Variants in RNF130 observed in about 807,000 individuals in gnomAD.
The protein encoded by RNF130 is ring finger protein 130.
RNF130 carries 21 observed loss-of-function variants against 44.6 expected under a neutral mutation model. That is an observed-to-expected ratio of 0.47 (90% confidence interval 0.33 to 0.68). The LOEUF is 0.68. Ranked by LOEUF, RNF130 falls within the 30% of genes least tolerant of loss-of-function variation. The pLI is 0.02. For missense variants in RNF130, 479 were observed against 560.6 expected (o/e 0.85, Z 1.47); for synonymous variants, 214 against 210.4 (o/e 1.02, Z -0.15).
chr5:179,947,859 T>C (rs1322753630), intron 7 of RNF130, among the ~76,000 whole-genome samples: 1 of 152,202 alleles, frequency 6.6e-6, no homozygotes, highest in Non-Finnish European at 1.5e-5. Flanking sequence ...ATATTATACA[T>C]ACAGTATATC....
intron 7 of RNF130, among the ~76,000 whole-genome samples, chr5:179,929,031 A>C (rs1761768679): frequency 6.6e-6 from 1 of 152,192 alleles, no homozygotes; most frequent in Non-Finnish European, 1.5e-5. Context: ...CAGTTGAAGA[A>C]GTCTTTGCCT....
intron 1 of RNF130, among the ~76,000 whole-genome samples, chr5:180,041,523 A>G (rs1764417409): frequency 6.7e-6 from 1 of 148,178 alleles, no homozygotes; most frequent in Admixed American, 6.6e-5. Context: ...CATCCTCTGC[A>G]AATCTTAAGA....
intron 7 of RNF130, among the ~76,000 whole-genome samples, chr5:179,945,518 G>A (rs1035133122): frequency 6.6e-4 from 101 of 152,268 alleles, no homozygotes; most frequent in African/African-American, 2.3e-3. Flanking sequence ...AATCCTCACA[G>A]TGCTACGTTG....
chr5:179,923,458 G>A (rs1254381735), intron 7 of RNF130, among the ~76,000 whole-genome samples: 1 of 152,112 alleles, frequency 6.6e-6, no homozygotes, highest in Non-Finnish European at 1.5e-5. Flanking sequence ...TATATTTTAA[G>A]TTCGGCCTAA....
chr5:179,920,335 A>G (rs1013359989), exon 8 of RNF130: 3 of 702,168 alleles, frequency 4.3e-6, no homozygotes, highest in Non-Finnish European at 7.8e-6. Context: ...TGTTCTCATC[A>G]TACATGTCCA....
chr5:179,993,656 T>G (rs1763141156), intron 3 of RNF130, among the ~76,000 whole-genome samples: 1 of 152,212 alleles, frequency 6.6e-6, no homozygotes, highest in Non-Finnish European at 1.5e-5. Context: ...TTGCAAAAAT[T>G]TTCTCCCATT....
At chr5:179,925,331 C>G (rs1335812748) in intron 7 of RNF130, among the ~76,000 whole-genome samples, 1 of 152,086 alleles carries the variant, frequency 6.6e-6, no homozygotes, top group African/African-American at 2.4e-5. Flanking sequence ...CCATAAAAAC[C>G]CAAAAGATTG....
At chr5:180,060,307 C>T (rs1195378971) in intron 1 of RNF130, among the ~76,000 whole-genome samples, 2 of 152,220 alleles carry the variant, frequency 1.3e-5, no homozygotes, top group East Asian at 1.9e-4. Flanking sequence ...CACACCAAGG[C>T]TAAGCCATGA....
chr5:180,054,605 T>C (rs1025847364), intron 1 of RNF130, among the ~76,000 whole-genome samples: 1 of 152,264 alleles, frequency 6.6e-6, no homozygotes, highest in Non-Finnish European at 1.5e-5. Context: ...TGATCTACCA[T>C]GTCTCTATCA....
rs576401941 is a variant in RNF130 at position 180,050,624 on chromosome 5, T to A, written c.248-9977A>T. On this transcript the variant is annotated intron_variant, in intron 1 of 8. Transcript: ENST00000521389. ...CTCACTTTTTTCCTTCTGTGTTCCA[T>A]TTCCCTCCTCCTTATTCTACATCCT... 1.5e-4 allele frequency among the ~76,000 whole-genome samples: 23 copies of A among 152,352 alleles called. No individual in the cohort carries two copies. The South Asian group carries it at 4.3e-3, about 29-fold the overall frequency.
intron 7 of RNF130, among the ~76,000 whole-genome samples, chr5:179,965,007 GAACTT>G (rs1762409516): frequency 6.6e-6 from 1 of 152,138 alleles, no homozygotes; most frequent in Admixed American, 6.5e-5. Context: ...CATCATCAAG[GAACTT>G]AACACAGTAT....
At chr5:179,975,652 G>A (rs973626571) in intron 5 of RNF130, among the ~76,000 whole-genome samples, 4 of 152,196 alleles carry the variant, frequency 2.6e-5, no homozygotes, top group Non-Finnish European at 4.4e-5. Flanking sequence ...ACAAACAGCC[G>A]CTCAGTTCCA....
chr5:179,947,742 T>C (rs1445082385), intron 7 of RNF130, among the ~76,000 whole-genome samples: 1 of 152,236 alleles, frequency 6.6e-6, no homozygotes, highest in Non-Finnish European at 1.5e-5. Flanking sequence ...TACACTATTA[T>C]CAAACAAAAG....
chr5:179,976,112 G>C (rs1561677071), intron 5 of RNF130, among the ~76,000 whole-genome samples: 2 of 152,094 alleles, frequency 1.3e-5, no homozygotes, highest in South Asian at 2.1e-4. Flanking sequence ...CTTGAGGCCA[G>C]GAGTTCAGAG....
In RNF130 at chr5:179,976,517, C is replaced by T. The variant is rs571436607; in HGVS notation, c.848+1686G>A. On this transcript the variant is annotated intron_variant, in intron 5 of 8. Coordinates refer to ENST00000521389, the MANE Select transcript of RNF130 (RefSeq NM_018434.6). The stretch of plus-strand genomic sequence containing the variant: ...GGCGTGTGCATTTCCTTTAGCCTCA[C>T]GTTTAGACCGTCAATGACTGCATGT... Among the ~76,000 whole-genome samples, 14 of 152,240 alleles carry T rather than the reference C, an allele frequency of 9.2e-5. No individual in the cohort carries two copies. In the South Asian group the frequency reaches 2.3e-3, roughly 25 times the overall value.
intron 7 of RNF130, among the ~76,000 whole-genome samples, chr5:179,925,812 C>T (rs1010652852): frequency 2.6e-5 from 4 of 152,200 alleles, no homozygotes; most frequent in African/African-American, 4.8e-5. Context: ...GGATTACCTA[C>T]GTGAGTCACC....
intron 1 of RNF130, among the ~76,000 whole-genome samples, chr5:180,050,424 C>T (rs1010233182): frequency 1.3e-5 from 2 of 152,228 alleles, no homozygotes; most frequent in African/African-American, 4.8e-5. Context: ...GACCCACCCA[C>T]ATTATGGAGA....
intron 7 of RNF130, among the ~76,000 whole-genome samples, chr5:179,921,974 T>C (rs1458507752): frequency 6.6e-6 from 1 of 151,530 alleles, no homozygotes; most frequent in Non-Finnish European, 1.5e-5. Flanking sequence ...TGAGCGGAGA[T>C]TGCACCACCG....
At chr5:180,027,922 C>T (rs1764027843) in intron 2 of RNF130, among the ~76,000 whole-genome samples, 1 of 152,244 alleles carries the variant, frequency 6.6e-6, no homozygotes, top group Admixed American at 6.5e-5. Flanking sequence ...CTGGAAAGCA[C>T]AGCTTAGGCC....
Sources: gnomAD v4.1 joint callset for allele counts (sites outside exome capture counted in the v4.1 genomes callset) on GRCh38, gnomAD v4.1.1 for gene constraint, MANE v1.5 for transcripts, NCBI Gene and HGNC (gene_info 2026-07-23, HGNC 2026-07-21) for gene names.